MGST2: variants seen among roughly 807,000 people sequenced by gnomAD.
MGST2 encodes glutathione peroxidase MGST2.
Under a neutral mutation model 16.6 loss-of-function variants are expected in MGST2, and 9 were observed. The observed-to-expected ratio is 0.54, with a 90% CI of 0.33 to 0.95. The LOEUF is 0.95. MGST2 is among the 40% of genes least tolerant of loss of function. The pLI, the probability that MGST2 is intolerant of heterozygous loss-of-function variation, is 0.03. For missense variants in MGST2, 159 were observed against 175.1 expected (o/e 0.91, Z 0.52); for synonymous variants, 79 against 68.0 (o/e 1.16, Z -0.79).
At chr4:139,719,761 C>T (rs776961914) in intron 5 of MGST2, 2 of 1,613,690 alleles carry the variant, frequency 1.2e-6, no homozygotes, top group South Asian at 2.2e-5. Context: ...GTCTCGGCTG[C>T]CCAGCTTGAA....
intron 1 of MGST2, among the ~76,000 whole-genome samples, chr4:139,674,926 C>T (rs1055750809): frequency 1.3e-5 from 2 of 152,030 alleles, no homozygotes; most frequent in Non-Finnish European, 2.9e-5. Flanking sequence ...AGGTTTAACC[C>T]GTGTGTGTGA....
the MGST2 span, among the ~76,000 whole-genome samples, chr4:139,751,307 A>G: frequency 6.6e-6 from 1 of 152,222 alleles, no homozygotes; most frequent in East Asian, 1.9e-4. Context: ...GATCAGAAGT[A>G]TTACGAATTT....
At chr4:139,708,600 A>G (rs1198890106), downstream of MGST2, among the ~76,000 whole-genome samples, 1 of 152,220 alleles carries the variant, frequency 6.6e-6, no homozygotes, top group East Asian at 1.9e-4. Context: ...TTCTGTGAAG[A>G]AAGTCATTGG....
rs1011524143 is a variant in MGST2, at chr4:139,668,154, TAA to T, written c.58+2080_58+2081del. Among the ~76,000 whole-genome samples the T allele has an allele frequency of 4.6e-5, 7 of 152,304 alleles. No homozygotes were observed. In the East Asian group the frequency reaches 1.4e-3, roughly 29 times the overall value. ...AAAGATTTTCTGATTGGCAATTGATTAAAAGAGTTTATCTACAGACCTCAAAT... is the reference window on the plus strand; with the variant it reads ...AAAGATTTTCTGATTGGCAATTGATTAAGAGTTTATCTACAGACCTCAAAT... On this transcript the variant is annotated intron_variant, in intron 1 of 4. Coordinates refer to ENST00000265498, the MANE Select transcript of MGST2 (RefSeq NM_002413.5).
At chr4:139,696,847 C>T (rs145268141) in intron 3 of MGST2, among the ~76,000 whole-genome samples, 88 of 152,254 alleles carry the variant, frequency 5.8e-4, no homozygotes, top group Non-Finnish European at 1.1e-3. Context: ...ACAACATTGA[C>T]GATCATATCC....
intron 5 of MGST2, chr4:139,730,248 A>G (rs1367310646): frequency 6.2e-6 from 4 of 646,626 alleles, no homozygotes; most frequent in Non-Finnish European, 1.1e-5. Flanking sequence ...AAAAACCCTA[A>G]CTAATTGAAA....
At chr4:139,754,424 CA>C in the MGST2 span, among the ~76,000 whole-genome samples, 1 of 152,296 alleles carries the variant, frequency 6.6e-6, no homozygotes, top group South Asian at 2.1e-4. Context: ...AACATTCATT[CA>C]AACAAGACAA....
intron 2 of MGST2, among the ~76,000 whole-genome samples, chr4:139,684,348 G>C (rs1362940820): frequency 6.6e-6 from 1 of 152,180 alleles, no homozygotes; most frequent in Non-Finnish European, 1.5e-5. Flanking sequence ...TTCAAGATGA[G>C]ACTGGGGTGG....
At chr4:139,750,909 C>G in the MGST2 span, among the ~76,000 whole-genome samples, 1 of 152,158 alleles carries the variant, frequency 6.6e-6, no homozygotes, top group Non-Finnish European at 1.5e-5. Flanking sequence ...TGACTTAGGC[C>G]TCAGTTGAAA....
intron 1 of MGST2, among the ~76,000 whole-genome samples, chr4:139,668,943 G>A (rs1447827558): frequency 1.3e-5 from 2 of 152,112 alleles, no homozygotes; most frequent in African/African-American, 4.8e-5. Flanking sequence ...GTGGTCAGGT[G>A]GCTAGGCAGG....
At chr4:139,720,735 T>A (rs1728201553) in intron 5 of MGST2, among the ~76,000 whole-genome samples, 1 of 152,254 alleles carries the variant, frequency 6.6e-6, no homozygotes, top group Admixed American at 6.5e-5. Context: ...TATGACATCA[T>A]CCTCAACCAA....
chr4:139,750,570 T>C, the MGST2 span, among the ~76,000 whole-genome samples: 1 of 152,200 alleles, frequency 6.6e-6, no homozygotes. Flanking sequence ...TTACGCCACA[T>C]GATGAAACTC....
At chr4:139,741,904 T>C (rs576183318), downstream of MGST2, among the ~76,000 whole-genome samples, 1 of 152,344 alleles carries the variant, frequency 6.6e-6, no homozygotes, top group African/African-American at 2.4e-5. Context: ...CCTATTGTCA[T>C]TTCTTCATTT....
At chr4:139,678,399 C>T in intron 1 of MGST2, 144 bp from the exon 2 acceptor site, 2 of 720,648 alleles carry the variant, frequency 2.8e-6, no homozygotes, top group Non-Finnish European at 5.0e-6. Flanking sequence ...CCTCTCCTGT[C>T]TTTTTTAATT....
At chr4:139,748,152 T>A in the MGST2 span, among the ~76,000 whole-genome samples, 1 of 151,304 alleles carries the variant, frequency 6.6e-6, no homozygotes, top group African/African-American at 2.4e-5. Flanking sequence ...GCCCATGGTA[T>A]ATTCAGCTTC....
At chr4:139,733,815 G>A (rs1728820300) in intron 5 of MGST2, among the ~76,000 whole-genome samples, 1 of 152,156 alleles carries the variant, frequency 6.6e-6, no homozygotes, top group Non-Finnish European at 1.5e-5. Context: ...CTCCTGGGTA[G>A]GTGGGGGACT....
At chr4:139,679,684 G>C (rs977049461) in intron 2 of MGST2, among the ~76,000 whole-genome samples, 1 of 152,066 alleles carries the variant, frequency 6.6e-6, no homozygotes, top group African/African-American at 2.4e-5. Context: ...CTCCAAGGAG[G>C]GTTTTACAGA....
At chr4:139,699,711 AAGG>A (rs1347149499) in intron 3 of MGST2, among the ~76,000 whole-genome samples, 2 of 134,300 alleles carry the variant, frequency 1.5e-5, no homozygotes, top group African/African-American at 5.0e-5. Context: ...TAATTAACTG[AAGG>A]AGGAGGACAC....
chr4:139,731,484 G>C (rs1420353983), intron 5 of MGST2: 1 of 154,672 alleles, frequency 6.5e-6, no homozygotes, highest in Non-Finnish European at 1.3e-5. Flanking sequence ...CAGACATGGT[G>C]GTGGGCACCT....
Sources: gnomAD v4.1 joint callset for allele counts (sites outside exome capture counted in the v4.1 genomes callset) on GRCh38, gnomAD v4.1.1 for gene constraint, MANE v1.5 for transcripts, NCBI Gene and HGNC (gene_info 2026-07-23, HGNC 2026-07-21) for gene names.